The following ATXN2 variants were observed in gnomAD, a reference collection of about 807,000 sequenced individuals.
ATXN2 encodes ataxin-2.
In ATXN2, 37 loss-of-function variants were observed where a neutral mutation model predicts 138.6. The observed-to-expected ratio is 0.27, with a 90% CI of 0.21 to 0.35. The LOEUF (loss-of-function observed/expected upper bound fraction) is 0.35. Among genes scored for constraint, ATXN2 ranks in the 10% least tolerant of loss-of-function variants. The probability of loss-of-function intolerance (pLI) is 1.00; values close to 1 mark genes in which losing one functional copy is unlikely to be tolerated. For synonymous variants in ATXN2, 549 were observed against 543.7 expected (o/e 1.01, Z -0.13); for missense variants, 1,216 against 1,480.3 (o/e 0.82, Z 2.93).
At chr12:111,510,254 A>C (rs1369094406) in intron 12 of ATXN2, 131 bp downstream of exon 12, 6 of 1,066,830 alleles carry the variant, frequency 5.6e-6, no homozygotes, top group Non-Finnish European at 8.1e-6. Context: ...AAATTTACAT[A>C]AACTTTTAAA....
intron 18 of ATXN2, among the ~76,000 whole-genome samples, chr12:111,478,836 G>A (rs753567543): frequency 2.0e-5 from 3 of 151,276 alleles, no homozygotes; most frequent in African/African-American, 7.3e-5. Context: ...GTGAAACCCC[G>A]TCTCTACTAA....
At chr12:111,537,889 A>G (rs1881281029) in intron 5 of ATXN2, among the ~76,000 whole-genome samples, 1 of 151,986 alleles carries the variant, frequency 6.6e-6, no homozygotes, top group Non-Finnish European at 1.5e-5. Flanking sequence ...TGAGGCCCAG[A>G]GTTTGAGACC....
intron 20 of ATXN2, chr12:111,469,071 T>C (rs893026084): frequency 6.6e-6 from 1 of 152,176 alleles, no homozygotes; most frequent in African/African-American, 2.4e-5. Context: ...AAAATAAAAA[T>C]TTTATATTCT....
intron 5 of ATXN2, among the ~76,000 whole-genome samples, chr12:111,539,878 C>T (rs182917851): frequency 1.3e-5 from 2 of 150,550 alleles, no homozygotes; most frequent in African/African-American, 4.8e-5. Context: ...AATGCCAATA[C>T]TATTAGTGAA....
intron 14 of ATXN2, among the ~76,000 whole-genome samples, chr12:111,503,487 C>T (rs983108170): frequency 3.3e-5 from 5 of 151,610 alleles, no homozygotes; most frequent in African/African-American, 1.2e-4. Context: ...AGGAAATACG[C>T]AATAAAACAT....
At chr12:111,495,185 G>C (rs1402242263) in intron 14 of ATXN2, among the ~76,000 whole-genome samples, 1 of 151,858 alleles carries the variant, frequency 6.6e-6, no homozygotes. Context: ...GCAGGCGCCT[G>C]TAATCCCAGC....
At chr12:111,455,387 T>C (rs1407935725) in intron 23 of ATXN2, 1 of 436,676 alleles carries the variant, frequency 2.3e-6, no homozygotes, top group East Asian at 4.4e-5. Context: ...CTTTCACCTG[T>C]AGCAGCTTAC....
chr12:111,542,764 T>C (rs560423646), intron 5 of ATXN2, among the ~76,000 whole-genome samples: 1 of 152,328 alleles, frequency 6.6e-6, no homozygotes, highest in South Asian at 2.1e-4. Flanking sequence ...ACCTGGCCTA[T>C]TTCTACACTT....
intron 5 of ATXN2, among the ~76,000 whole-genome samples, chr12:111,528,002 C>G (rs1566044332): frequency 6.6e-6 from 1 of 152,130 alleles, no homozygotes; most frequent in Non-Finnish European, 1.5e-5. Flanking sequence ...TCTCACAACA[C>G]TAGACAAAAA....
At chr12:111,477,739 T>C (rs912269859) in intron 18 of ATXN2, among the ~76,000 whole-genome samples, 4 of 152,166 alleles carry the variant, frequency 2.6e-5, no homozygotes, top group African/African-American at 9.6e-5. Context: ...ATTTTCACAG[T>C]AAGAAAAGAA....
chr12:111,495,205 G>A (rs1376476320), intron 14 of ATXN2, among the ~76,000 whole-genome samples: 2 of 151,872 alleles, frequency 1.3e-5, no homozygotes, highest in African/African-American at 2.4e-5. Context: ...CTACTTGGGA[G>A]GCTGAGGCAG....
intron 20 of ATXN2, among the ~76,000 whole-genome samples, chr12:111,465,662 C>T (rs911774625): frequency 3.4e-5 from 5 of 146,984 alleles, no homozygotes; most frequent in African/African-American, 5.1e-5. Context: ...CCCACCTACT[C>T]GGGAGGCTGA....
At chr12:111,596,505 C>G (rs1420217698) in intron 1 of ATXN2, among the ~76,000 whole-genome samples, 1 of 152,074 alleles carries the variant, frequency 6.6e-6, no homozygotes, top group Admixed American at 6.6e-5. Flanking sequence ...CCCTTGCTCT[C>G]AGAGACTTAT....
At chr12:111,570,874 T>C (rs531111905) in intron 1 of ATXN2, among the ~76,000 whole-genome samples, 2 of 152,306 alleles carry the variant, frequency 1.3e-5, no homozygotes, top group South Asian at 4.1e-4. Context: ...ATATACAAAC[T>C]TAATGAAACG....
Position 111,488,609 on chromosome 12 carries a change from T to C in ATXN2, c.2107A>G (p.Ser703Gly). The C allele has an allele frequency of 1.2e-6, 2 of 1,614,194 alleles. No homozygotes were observed. Among genetic ancestry groups the C allele is most frequent in the South Asian group, 1.1e-5 (1 of 91,086 alleles). Residue 703 changes from serine to glycine, a missense_variant, in exon 15 of 25, where the codon AGC becomes GGC. This residue lies in a region of ATXN2 where 490 missense variants were observed against 653.5 expected (regional missense o/e 0.75). Coordinates refer to ENST00000673436, the MANE Select transcript of ATXN2 (RefSeq NM_001372574.1). ...TTACTAAGTATTGAAGGGGAAATGC[T>C]GGGGCTATTCGGCTTGCTGCTGCCA... ...TSGSSKPNSP[S>G]ISPSILSNTE... is the part of the protein sequence containing the mutation.
chr12:111,590,025 C>T (rs1161565668), intron 1 of ATXN2, among the ~76,000 whole-genome samples: 1 of 151,604 alleles, frequency 6.6e-6, no homozygotes, highest in African/African-American at 2.4e-5. Context: ...GCCTGGCCAA[C>T]ATGGTGAAAC....
Position 111,595,473 on chromosome 12 carries a change from C to T in ATXN2, c.251+3311G>A, listed in dbSNP as rs371596627. On this transcript the variant is annotated intron_variant, in intron 1 of 24. Transcript: ENST00000673436. The stretch of plus-strand genomic sequence containing the variant: ...ACTGGCCAACATGGTGAAACCTTGT[C>T]TCTACCAAAAATACAAAAATTAGCC... Among the ~76,000 whole-genome samples the T allele has an allele frequency of 2.8e-4, 42 of 151,540 alleles. 3 individuals are homozygous for T. Among genetic ancestry groups the T allele is most frequent in the African/African-American group, 9.4e-4 (39 of 41,332 alleles).
At chr12:111,580,692 G>A in intron 1 of ATXN2, among the ~76,000 whole-genome samples, 1 of 123,382 alleles carries the variant, frequency 8.1e-6, no homozygotes, top group Non-Finnish European at 1.7e-5. Context: ...AGAGAGAAGG[G>A]GAGGGAGGGA....
intron 14 of ATXN2, among the ~76,000 whole-genome samples, chr12:111,507,492 TGGG>T (rs1469800660): frequency 6.8e-6 from 1 of 147,746 alleles, no homozygotes; most frequent in African/African-American, 2.5e-5. Context: ...GGGAGGGAGG[TGGG>T]GGTCAGCCCC....
Sources: allele counts gnomAD v4.1 joint callset (sites outside exome capture counted in the v4.1 genomes callset), GRCh38; gene constraint gnomAD v4.1.1; regional missense constraint gnomAD v4.1.1; transcripts MANE v1.5; gene names NCBI Gene and HGNC (gene_info 2026-07-23, HGNC 2026-07-21).